The following KAZN variants were observed in gnomAD, a reference collection of about 807,000 sequenced individuals.
KAZN encodes kazrin.
KAZN carries 40 observed loss-of-function variants against 87.4 expected under a neutral mutation model. The ratio of observed to expected loss-of-function variants is 0.46; its 90% CI spans 0.36 to 0.60. The LOEUF (loss-of-function observed/expected upper bound fraction) is 0.60, where lower values mean the gene tolerates loss of function less well. Ranked by LOEUF, KAZN falls within the 20% of genes least tolerant of loss-of-function variation. The pLI, the probability that KAZN is intolerant of heterozygous loss-of-function variation, is 0.00. For synonymous variants in KAZN, 466 were observed against 458.3 expected, an observed-to-expected ratio of 1.02 and a Z score of -0.22; for missense variants, 898 against 1,073.9, an observed-to-expected ratio of 0.84 and a Z score of 2.29.
chr1:14,953,242 GACTC>G (rs1301377841), intron 1 of KAZN, among the ~76,000 whole-genome samples: 3 of 152,222 alleles, frequency 2.0e-5, no homozygotes, highest in Non-Finnish European at 4.4e-5. Context: ...CTGAGTGGCT[GACTC>G]ACTCATACCC....
chr1:14,586,953 A>C (rs1675889172), intron 2 of KAZN, among the ~76,000 whole-genome samples: 1 of 152,224 alleles, frequency 6.6e-6, no homozygotes, highest in Admixed American at 6.5e-5. Flanking sequence ...CTGACAATTA[A>C]AATTAGAGGT....
chr1:14,688,866 A>G (rs1332781902), intron 1 of KAZN, among the ~76,000 whole-genome samples: 9 of 152,206 alleles, frequency 5.9e-5, no homozygotes, highest in Non-Finnish European at 1.0e-4. Context: ...ACAAAATCAT[A>G]TGTAGTTTTT....
At chr1:14,958,674 C>T (rs771048268) in intron 1 of KAZN, among the ~76,000 whole-genome samples, 10 of 152,204 alleles carry the variant, frequency 6.6e-5, no homozygotes, top group Non-Finnish European at 1.2e-4. Flanking sequence ...CCATGACCCT[C>T]GGGGGCGAGG....
intron 1 of KAZN, among the ~76,000 whole-genome samples, chr1:14,919,173 G>C (rs1488836729): frequency 6.6e-6 from 1 of 152,090 alleles, no homozygotes; most frequent in Non-Finnish European, 1.5e-5. Flanking sequence ...GAGACAGGAG[G>C]CACTTTTTTG....
At chr1:14,788,981 C>T (rs551700521) in intron 1 of KAZN, among the ~76,000 whole-genome samples, 3 of 152,298 alleles carry the variant, frequency 2.0e-5, no homozygotes, top group Admixed American at 1.3e-4. Context: ...CCTTTAACTT[C>T]CCATAATGCC....
chr1:14,637,475 G>T (rs1557855266), intron 1 of KAZN, among the ~76,000 whole-genome samples: 1 of 152,156 alleles, frequency 6.6e-6, no homozygotes, highest in Non-Finnish European at 1.5e-5. Context: ...CAGTGGAGAA[G>T]GGTGGGGACA....
chr1:14,570,386 C>G (rs1316600220), intron 2 of KAZN, among the ~76,000 whole-genome samples: 2 of 152,242 alleles, frequency 1.3e-5, no homozygotes, highest in African/African-American at 4.8e-5. Flanking sequence ...CCTTTTTACC[C>G]TCCTCCTCCT....
intron 2 of KAZN, among the ~76,000 whole-genome samples, chr1:14,282,880 G>A (rs1414335920): frequency 6.6e-6 from 1 of 152,218 alleles, no homozygotes; most frequent in East Asian, 1.9e-4. Flanking sequence ...GTCAGAAGGG[G>A]AGCCCTGGAG....
chr1:14,318,089 T>C (rs1474086881), intron 2 of KAZN, among the ~76,000 whole-genome samples: 2 of 152,046 alleles, frequency 1.3e-5, no homozygotes, highest in African/African-American at 4.8e-5. Context: ...TACCTTTTTA[T>C]TGTTTTCATT....
intron 2 of KAZN, among the ~76,000 whole-genome samples, chr1:14,241,795 G>A (rs576210533): frequency 5.3e-5 from 8 of 152,306 alleles, no homozygotes; most frequent in East Asian, 3.9e-4. Flanking sequence ...AATTGCTGAC[G>A]TGTGTCAGAA....
exon 1 of KAZN, chr1:13,893,502 C>A: frequency 1.7e-6 from 2 of 1,194,936 alleles, no homozygotes; most frequent in Non-Finnish European, 2.3e-6. Context: ...GAAAGGGTGG[C>A]GAAAGGAAGA....
At chr1:13,915,129 A>G (rs12028358) in intron 1 of KAZN, among the ~76,000 whole-genome samples, 5,533 of 152,268 alleles carry the variant, frequency 0.036, 410 homozygotes, top group East Asian at 0.33. Flanking sequence ...GTGCAGTTGT[A>G]TATATGTGCA....
At chr1:14,506,158 C>A (rs560986332) in intron 2 of KAZN, among the ~76,000 whole-genome samples, 11 of 152,210 alleles carry the variant, frequency 7.2e-5, no homozygotes, top group Admixed American at 5.9e-4. Context: ...AAAGATGATA[C>A]CACTTGGGCA....
chr1:14,429,121 A>G (rs781136287), intron 2 of KAZN, among the ~76,000 whole-genome samples: 1 of 152,136 alleles, frequency 6.6e-6, no homozygotes, highest in South Asian at 2.1e-4. Context: ...ACCGTGTCAT[A>G]TAAGTTTTAT....
chr1:14,317,296 T>G (rs1280990395), intron 2 of KAZN, among the ~76,000 whole-genome samples: 2 of 151,976 alleles, frequency 1.3e-5, no homozygotes, highest in African/African-American at 2.4e-5. Context: ...CCTCTTAATA[T>G]TCCTTTTTCA....
At chr1:14,109,940 T>C (rs1644465224) in intron 1 of KAZN, among the ~76,000 whole-genome samples, 1 of 91,138 alleles carries the variant, frequency 1.1e-5, no homozygotes, top group Admixed American at 1.1e-4. Flanking sequence ...CTCTATAGCC[T>C]ATGTTAATTT....
At chr1:13,946,244 G>T (rs893618855) in intron 1 of KAZN, among the ~76,000 whole-genome samples, 1 of 152,084 alleles carries the variant, frequency 6.6e-6, no homozygotes, top group African/African-American at 2.4e-5. Context: ...GATAGAAGAG[G>T]AGAAACATCA....
At chr1:14,011,238 C>T (rs1313580451) in intron 1 of KAZN, among the ~76,000 whole-genome samples, 1 of 152,184 alleles carries the variant, frequency 6.6e-6, no homozygotes, top group Non-Finnish European at 1.5e-5. Context: ...GAAGACCTCA[C>T]GTGATCTGGT....
In KAZN at chr1:14,816,533, G is replaced by A. The variant is rs373064542; in HGVS notation, c.227-144151G>A. ...CTCAGGGCTTCCTCAACATGGCCGC[G>A]GACTTCATGGCACCAGCAAGGAGAA... On this transcript the variant is annotated intron_variant, in intron 1 of 14. Transcript: ENST00000376030. Among the ~76,000 whole-genome samples the A allele has an allele frequency of 1.9e-4, 29 of 152,170 alleles. No individual in the cohort carries two copies. In the South Asian group the frequency reaches 5.0e-3, roughly 26 times the overall value.
Sources: allele counts gnomAD v4.1 joint callset (sites outside exome capture counted in the v4.1 genomes callset), GRCh38; gene constraint gnomAD v4.1.1; transcripts MANE v1.5; gene names NCBI Gene and HGNC (gene_info 2026-07-23, HGNC 2026-07-21).